PRTG: variants seen among roughly 807,000 people sequenced by gnomAD.
The protein encoded by PRTG is immunoglobulin superfamily, DCC subclass, member 5.
Under a neutral mutation model 122.5 loss-of-function variants are expected in PRTG, and 67 were observed. The ratio of observed to expected loss-of-function variants is 0.55; its 90% confidence interval spans 0.45 to 0.67. PRTG has a LOEUF of 0.67. Among genes scored for constraint, PRTG ranks in the 30% least tolerant of loss-of-function variants. The pLI is 0.00. For synonymous variants in PRTG, 554 were observed against 501.1 expected (o/e 1.11, Z -1.41); for missense variants, 1,435 against 1,415.4 (o/e 1.01, Z -0.22).
intron 15 of PRTG, among the ~76,000 whole-genome samples, chr15:55,629,651 T>C (rs1292674717): frequency 6.6e-6 from 1 of 151,990 alleles, no homozygotes; most frequent in Non-Finnish European, 1.5e-5. Flanking sequence ...CACTCCACTG[T>C]GCCAAGCTTT....
chr15:55,676,444 G>C (rs573723843), intron 8 of PRTG, among the ~76,000 whole-genome samples: 1 of 152,302 alleles, frequency 6.6e-6, no homozygotes, highest in African/African-American at 2.4e-5. Flanking sequence ...GTAAACGCAT[G>C]TCAACTTAAT....
rs375615332 is a variant in PRTG at position 55,639,797 on chromosome 15, T to C, written c.2169A>G (p.Pro723=). ...SVRDRMVPPP[P]PPHHLYAKAN... ...CCTTCGCATAGAGATGGTGGGGTGG[T>C]GGTGGAGGAGGGACCATGCGATCAC... Residue 723 remains proline, a synonymous_variant, in exon 13 of 20, where the codon CCA becomes CCG. Transcript: ENST00000389286. 10 of 1,613,956 alleles carry C rather than the reference T, an allele frequency of 6.2e-6. No homozygotes were observed. Among genetic ancestry groups the C allele is most frequent in the Non-Finnish European group, 5.1e-6 (6 of 1,180,010 alleles).
At chr15:55,738,568 G>A in intron 2 of PRTG, 1 of 694,788 alleles carries the variant, frequency 1.4e-6, no homozygotes, top group Non-Finnish European at 2.6e-6. Flanking sequence ...TAAAAGGTGG[G>A]AAAATAACAA....
intron 2 of PRTG, among the ~76,000 whole-genome samples, chr15:55,691,287 ACT>A (rs1252615346): frequency 1.5e-5 from 2 of 130,340 alleles, no homozygotes; most frequent in East Asian, 4.7e-4. Flanking sequence ...CAAGAGTAAA[ACT>A]CTGTTTCAAA....
At chr15:55,678,713 T>G (rs1312615382) in intron 7 of PRTG, among the ~76,000 whole-genome samples, 1 of 152,192 alleles carries the variant, frequency 6.6e-6, no homozygotes, top group Admixed American at 6.5e-5. Flanking sequence ...TAACAACTTA[T>G]TTTTTTAAAT....
intron 2 of PRTG, among the ~76,000 whole-genome samples, chr15:55,712,689 C>A (rs1335492854): frequency 6.6e-6 from 1 of 152,094 alleles, no homozygotes; most frequent in Non-Finnish European, 1.5e-5. Context: ...AACATATGCC[C>A]AGGAAAATGT....
At chr15:55,698,815 G>C (rs929456431) in intron 2 of PRTG, among the ~76,000 whole-genome samples, 2 of 151,614 alleles carry the variant, frequency 1.3e-5, no homozygotes, top group Non-Finnish European at 2.9e-5. Flanking sequence ...ATCAGGACTC[G>C]TGAATCATGC....
rs374791424 is a variant in PRTG at position 55,645,433 on chromosome 15, C to CAAAAAAAAAAAAAAAAAAAAA, written c.2042-4226_2042-4225insTTTTTTTTTTTTTTTTTTTTT. On this transcript the variant is annotated intron_variant, in intron 11 of 19. Transcript: ENST00000389286. The stretch of plus-strand genomic sequence containing the variant: ...TGGGCGACAGAGCGAAACTCCGTCT[C>CAAAAAAAAAAAAAAAAAAAAA]AAAAAAAAAAAAAAAAAGAGTGGAA... 1.5e-3 allele frequency among the ~76,000 whole-genome samples: 29 copies of CAAAAAAAAAAAAAAAAAAAAA among 18,904 alleles called. 3 individuals carry two copies. The highest frequency in any genetic ancestry group is 3.8e-3 in the South Asian group (1 of 266). The allele number at this position is 18,904 out of a possible 152,430, so 12.4% of individuals were successfully genotyped here.
At chr15:55,717,530 G>A (rs1456726081) in intron 2 of PRTG, among the ~76,000 whole-genome samples, 1 of 152,192 alleles carries the variant, frequency 6.6e-6, no homozygotes, top group East Asian at 1.9e-4. Context: ...CTTTGACATT[G>A]TGCTATGGTG....
chr15:55,669,443 G>A (rs2059456259), intron 11 of PRTG, among the ~76,000 whole-genome samples: 1 of 152,204 alleles, frequency 6.6e-6, no homozygotes, highest in Non-Finnish European at 1.5e-5. Flanking sequence ...GGCAGCTACT[G>A]CCAGATGCTC....
At chr15:55,623,949 C>G (rs1412364535) in intron 18 of PRTG, among the ~76,000 whole-genome samples, 1 of 152,074 alleles carries the variant, frequency 6.6e-6, no homozygotes, top group Non-Finnish European at 1.5e-5. Flanking sequence ...ATCAGCCAAA[C>G]TAAGTCAAAT....
intron 2 of PRTG, among the ~76,000 whole-genome samples, chr15:55,684,536 G>C (rs2141819722): frequency 6.6e-6 from 1 of 152,276 alleles, no homozygotes; most frequent in East Asian, 1.9e-4. Flanking sequence ...AGCTGAAGAA[G>C]AATACAGATA....
At position 55,740,528 on chromosome 15, in the gene PRTG, C is replaced by T. The variant is rs930377103; in HGVS notation, c.251G>A (p.Arg84Gln). 5 of 1,613,860 alleles carry T rather than the reference C, an allele frequency of 3.1e-6. No homozygotes were observed. The South Asian group carries it at 5.5e-5, about 18-fold the overall frequency. ...AGAGCCGTTAGAAAGAACCTCGATC[C>T]GTTTATTTTCAGACATTTTTGCTCC... Reference protein sequence around the residue: ...KNGAKMSENKRIEVLSNGSLY... With the variant: ...KNGAKMSENKQIEVLSNGSLY... The change falls in exon 2 of 20, where the codon CGG becomes CAG. Residue 84 changes from arginine (R) to glutamine (Q), a missense_variant. Physicochemically the swap from Arg to Gln is conservative, Grantham distance 43. Transcript: ENST00000389286.
At position 55,623,188 on chromosome 15, in the gene PRTG, C is replaced by A. The variant is rs573974615; in HGVS notation, c.3093+1154G>T. ...AAACTTTTTCTGTAGAGGGCCAGATCGTAACTATTTTAGGCTTTGCAGGCC... is the reference window on the plus strand; with the variant it reads ...AAACTTTTTCTGTAGAGGGCCAGATAGTAACTATTTTAGGCTTTGCAGGCC... On this transcript the variant is annotated intron_variant, in intron 18 of 19. Transcript: ENST00000389286. Among the ~76,000 whole-genome samples, 4 of 151,924 alleles carry A rather than the reference C, an allele frequency of 2.6e-5. No homozygotes were observed. The East Asian group carries it at 7.7e-4, about 29-fold the overall frequency.
At chr15:55,636,247 C>T (rs942863423) in intron 15 of PRTG, among the ~76,000 whole-genome samples, 2 of 151,908 alleles carry the variant, frequency 1.3e-5, no homozygotes, top group African/African-American at 4.8e-5. Flanking sequence ...GTTCTTAAGC[C>T]CTAATCAGCT....
chr15:55,710,694 A>C (rs556011624), intron 2 of PRTG, among the ~76,000 whole-genome samples: 3 of 150,964 alleles, frequency 2.0e-5, no homozygotes, highest in African/African-American at 7.2e-5. Context: ...CCTTCTCTAT[A>C]AACTAAACAG....
intron 2 of PRTG, among the ~76,000 whole-genome samples, chr15:55,733,514 CAAAA>C (rs1171561645): frequency 3.9e-5 from 3 of 76,388 alleles, no homozygotes; most frequent in African/African-American, 8.6e-5. Flanking sequence ...CTGTCTCAAA[CAAAA>C]AAAAAAAAAA....
At position 55,637,217 on chromosome 15, in the gene PRTG, G is replaced by A; in HGVS notation, c.2576C>T (p.Ser859Phe). The A allele has an allele frequency of 6.2e-7, 1 of 1,612,048 alleles. No individual in the cohort carries two copies. Among genetic ancestry groups the A allele is most frequent in the Non-Finnish European group, 8.5e-7 (1 of 1,179,246 alleles). The change falls in exon 15 of 20, where the codon TCT (serine) becomes TTT (phenylalanine). Residue 859 changes from serine (S) to phenylalanine (F), a missense_variant. Coordinates refer to ENST00000389286, the MANE Select transcript of PRTG (RefSeq NM_173814.6). The part of the protein sequence containing the change: ...VVTRYTILYA[S>F]RKAWIAGEWQ... ...CTCTCCTGCAATCCAGGCCTTCCTA[G>A]ATGCATATAAGATAGTATAGCGGGT...
At chr15:55,644,019 C>G (rs2059307086) in intron 11 of PRTG, among the ~76,000 whole-genome samples, 1 of 151,966 alleles carries the variant, frequency 6.6e-6, no homozygotes, top group Non-Finnish European at 1.5e-5. Context: ...CACACACCAC[C>G]ACACCTGGCT....
Sources: allele counts gnomAD v4.1 joint callset (sites outside exome capture counted in the v4.1 genomes callset), GRCh38; gene constraint gnomAD v4.1.1; transcripts MANE v1.5; gene names NCBI Gene and HGNC (gene_info 2026-07-23, HGNC 2026-07-21).